DPYD: variants seen among roughly 807,000 people sequenced by gnomAD.
The protein encoded by DPYD is dihydropyrimidine dehydrogenase.
A neutral mutation model predicts 116.2 loss-of-function variants in DPYD; 109 were observed. That is an observed-to-expected ratio of 0.94 (90% confidence interval 0.80 to 1.10). DPYD has a LOEUF of 1.10. DPYD is among the 50% of genes least tolerant of loss of function. DPYD has a pLI of 0.00. For missense variants in DPYD, 1,302 were observed against 1,254.5 expected (o/e 1.04, Z -0.57); for synonymous variants, 440 against 432.0 (o/e 1.02, Z -0.23).
intron 18 of DPYD, among the ~76,000 whole-genome samples, chr1:97,248,779 T>C (rs1451088677): frequency 6.6e-6 from 1 of 152,184 alleles, no homozygotes; most frequent in Non-Finnish European, 1.5e-5. Flanking sequence ...CTCTATATAC[T>C]CTTCATACTT....
chr1:97,301,151 C>CATTT (rs1489838205), intron 18 of DPYD, among the ~76,000 whole-genome samples: 3 of 151,772 alleles, frequency 2.0e-5, no homozygotes, highest in African/African-American at 7.3e-5. Context: ...AATACACAGT[C>CATTT]ATTTACTGGA....
At chr1:97,604,618 A>C (rs1187610846) in intron 8 of DPYD, among the ~76,000 whole-genome samples, 1 of 152,118 alleles carries the variant, frequency 6.6e-6, no homozygotes, top group Non-Finnish European at 1.5e-5. Flanking sequence ...GATATTAGAA[A>C]ATATGAAATC....
At chr1:97,712,298 C>G (rs899922026) in intron 5 of DPYD, among the ~76,000 whole-genome samples, 3 of 151,934 alleles carry the variant, frequency 2.0e-5, no homozygotes, top group Admixed American at 1.3e-4. Context: ...CATATTTTTA[C>G]TTTTTATTTC....
chr1:97,637,497 T>C (rs1356914635), intron 8 of DPYD, among the ~76,000 whole-genome samples: 1 of 150,452 alleles, frequency 6.6e-6, no homozygotes, highest in African/African-American at 2.5e-5. Context: ...CAGGAAAAGT[T>C]TTCCCCCCCT....
At chr1:97,336,703 T>C (rs1402466932) in intron 16 of DPYD, among the ~76,000 whole-genome samples, 1 of 152,088 alleles carries the variant, frequency 6.6e-6, no homozygotes, top group African/African-American at 2.4e-5. Flanking sequence ...TGAGCTGAGA[T>C]TGCACCACTG....
At chr1:97,173,289 T>C (rs1409161678) in intron 20 of DPYD, among the ~76,000 whole-genome samples, 5 of 78,778 alleles carry the variant, frequency 6.3e-5, no homozygotes, top group East Asian at 1.3e-3. Context: ...CACACATATA[T>C]GTACACATAT....
At chr1:97,548,051 G>C (rs181164327) in intron 12 of DPYD, among the ~76,000 whole-genome samples, 1 of 152,090 alleles carries the variant, frequency 6.6e-6, no homozygotes. Flanking sequence ...AAAAGAGGAA[G>C]AAATTAAAGG....
At chr1:97,744,837 G>T (rs1371192356) in intron 3 of DPYD, among the ~76,000 whole-genome samples, 2 of 151,912 alleles carry the variant, frequency 1.3e-5, no homozygotes, top group African/African-American at 4.8e-5. Context: ...TCAACTATCA[G>T]GTTGAAAAGA....
At chr1:97,203,560 A>G (rs1659360085) in intron 19 of DPYD, among the ~76,000 whole-genome samples, 1 of 151,036 alleles carries the variant, frequency 6.6e-6, no homozygotes. Flanking sequence ...GCGCACCAGC[A>G]TGGCACATGT....
intron 11 of DPYD, among the ~76,000 whole-genome samples, chr1:97,564,491 T>C (rs1191731425): frequency 1.3e-5 from 2 of 152,196 alleles, no homozygotes; most frequent in Non-Finnish European, 2.9e-5. Context: ...TAAGGTATAG[T>C]AGTGAAAAGA....
rs756891083 is a variant in DPYD at position 97,777,558 on chromosome 1, A to G, written c.234-37079T>C. Among the ~76,000 whole-genome samples the G allele has an allele frequency of 2.9e-4, 44 of 152,228 alleles. 1 individual carries two copies. Among genetic ancestry groups the G allele is most frequent in the Admixed American group, 1.3e-3 (20 of 15,276 alleles). The stretch of plus-strand genomic sequence containing the variant: ...TTTTGACACCTATTCAAGATTTCAA[A>G]GCCAGCTAACCCTAGAACACAGGTC... On this transcript the variant is annotated intron_variant, in intron 3 of 22. Transcript: ENST00000370192.
At chr1:97,522,831 G>C (rs1283219863) in intron 12 of DPYD, among the ~76,000 whole-genome samples, 1 of 151,942 alleles carries the variant, frequency 6.6e-6, no homozygotes, top group Non-Finnish European at 1.5e-5. Flanking sequence ...AGTATATTTT[G>C]CAGAACTAAC....
intron 10 of DPYD, among the ~76,000 whole-genome samples, chr1:97,589,048 A>G (rs1308366230): frequency 1.3e-5 from 2 of 152,134 alleles, no homozygotes; most frequent in Non-Finnish European, 2.9e-5. Context: ...TGAATCAGCA[A>G]CTCTAGGGAC....
intron 20 of DPYD, among the ~76,000 whole-genome samples, chr1:97,173,606 T>C (rs1211545474): frequency 2.0e-5 from 3 of 151,246 alleles, no homozygotes; most frequent in East Asian, 3.9e-4. Flanking sequence ...ATCTTATTAA[T>C]CACTCAATCT....
chr1:97,181,729 A>C (rs1657655456), intron 20 of DPYD, among the ~76,000 whole-genome samples: 1 of 152,116 alleles, frequency 6.6e-6, no homozygotes, highest in Non-Finnish European at 1.5e-5. Context: ...CCCCAATATT[A>C]CCCATATATT....
At chr1:97,614,615 T>C (rs1656151828) in intron 8 of DPYD, among the ~76,000 whole-genome samples, 1 of 152,068 alleles carries the variant, frequency 6.6e-6, no homozygotes, top group Non-Finnish European at 1.5e-5. Flanking sequence ...TCATTTTCAT[T>C]AGCAATGGAG....
intron 18 of DPYD, among the ~76,000 whole-genome samples, chr1:97,281,500 T>C (rs1665321985): frequency 6.6e-6 from 1 of 151,950 alleles, no homozygotes; most frequent in Non-Finnish European, 1.5e-5. Flanking sequence ...TAGAAGAAAC[T>C]AGAATATTGG....
rs1656771314 is a variant in DPYD at position 97,172,203 on chromosome 1, TG to T, written c.2622+20865del. ...CGTAGGCTCTCTGGTCTCTAGCCAG[TG>T]GGGAGAAGGAGATTTCGATTTTATA... On this transcript the variant is annotated intron_variant, in intron 20 of 22. Transcript: ENST00000370192. Among the ~76,000 whole-genome samples the T allele has an allele frequency of 2.6e-5, 4 of 152,080 alleles. No individual in the cohort carries two copies. In the South Asian group the frequency reaches 8.3e-4, roughly 32 times the overall value.
At chr1:97,897,486 T>G (rs986944130) in intron 1 of DPYD, among the ~76,000 whole-genome samples, 11 of 151,894 alleles carry the variant, frequency 7.2e-5, no homozygotes, top group African/African-American at 2.4e-5. Flanking sequence ...CTCTCATCTC[T>G]GGGGAAATTC....
Sources: allele counts gnomAD v4.1 joint callset (sites outside exome capture counted in the v4.1 genomes callset), GRCh38; gene constraint gnomAD v4.1.1; transcripts MANE v1.5; gene names NCBI Gene and HGNC (gene_info 2026-07-23, HGNC 2026-07-21).